ADRA1A: variants seen among roughly 807,000 people sequenced by gnomAD.
ADRA1A encodes alpha-1A adrenergic receptor.
Under a neutral mutation model 29.6 loss-of-function variants are expected in ADRA1A, and 31 were observed. The ratio of observed to expected loss-of-function variants is 1.05; its 90% confidence interval spans 0.79 to 1.41. ADRA1A has a LOEUF of 1.41. ADRA1A is among the 40% of genes most tolerant of loss of function. ADRA1A has a pLI of 0.00. For synonymous variants in ADRA1A, 311 were observed against 254.3 expected (o/e 1.22, Z -2.12); for missense variants, 619 against 601.1 (o/e 1.03, Z -0.31).
At chr8:26,859,912 C>T (rs551505040) in intron 2 of ADRA1A, among the ~76,000 whole-genome samples, 20 of 152,048 alleles carry the variant, frequency 1.3e-4, no homozygotes, top group African/African-American at 4.1e-4. Flanking sequence ...GTATTACAGG[C>T]GTGCACCACC....
rs544986816 is a variant in ADRA1A at position 26,789,308 on chromosome 8, T to C, written c.884-18642A>G. ...AAACAGCATGGTACTGATGTAAAAA[T>C]AGACACATAGACCAATGGAATAGAA... On this transcript the variant is annotated intron_variant, in intron 2 of 2. Coordinates refer to ENST00000380573, the MANE Select transcript of ADRA1A (RefSeq NM_000680.4). Among the ~76,000 whole-genome samples, 127 of 152,080 alleles carry C rather than the reference T, an allele frequency of 8.4e-4. 1 individual carries two copies. The highest frequency in any genetic ancestry group is 1.4e-3 in the Non-Finnish European group (98 of 68,036).
Position 26,775,733 on chromosome 8 carries a change from C to A in ADRA1A, c.884-5067G>T, listed in dbSNP as rs1031305646. ...TTTCTTTCCACCATTTGGTCTGCTG[C>A]AGAATTTCTGCCTCTTTCCTGACCC... On this transcript the variant is annotated intron_variant, in intron 2 of 2. Transcript: ENST00000380573. The surrounding 1 kb of genome is among the most constrained non-coding windows in gnomAD (Gnocchi z 4.1). Among the ~76,000 whole-genome samples, 1 of 152,192 alleles carries A rather than the reference C, an allele frequency of 6.6e-6. No homozygotes were observed. Among genetic ancestry groups the A allele is most frequent in the Non-Finnish European group, 1.5e-5 (1 of 68,038 alleles).
At chr8:26,859,123 A>C (rs1222782715) in intron 2 of ADRA1A, 1 of 1,289,678 alleles carries the variant, frequency 7.8e-7, no homozygotes, top group African/African-American at 1.5e-5. Flanking sequence ...TTCAGTTTTT[A>C]ATCTCTTTCC....
intron 2 of ADRA1A, among the ~76,000 whole-genome samples, chr8:26,836,869 G>T (rs551047089): frequency 4.5e-4 from 68 of 152,300 alleles, no homozygotes; most frequent in African/African-American, 1.5e-3. Flanking sequence ...GCAAGTGAAG[G>T]GGAGTGCTTA....
In ADRA1A at chr8:26,848,529, C is replaced by G. The variant is rs1812382996; in HGVS notation, c.883+15558G>C. Among the ~76,000 whole-genome samples, 1 of 152,184 alleles carries G rather than the reference C, an allele frequency of 6.6e-6. No individual in the cohort carries two copies. The highest frequency in any genetic ancestry group is 6.5e-5 in the Admixed American group (1 of 15,282). On this transcript the variant is annotated intron_variant, in intron 2 of 2. Transcript: ENST00000380573. This position sits in a 1 kb window ranked among gnomAD's most constrained non-coding sequence, Gnocchi z 4.3. ...CTAGCAGGAGAACCCTCACCAAGAG[C>G]CTGACAATGCTAGAACCCTGATCTC...
At position 26,759,527 on chromosome 8, in the gene ADRA1A, C is replaced by T. The variant is rs116163639; in HGVS notation, c.1270-2748G>A. Reference sequence around the variant, plus strand: ...GGGCATCCTTATTTGTAGATTCAAGCTGTCATTCAGCACCACATTCATCAA... The same window carrying T: ...GGGCATCCTTATTTGTAGATTCAAGTTGTCATTCAGCACCACATTCATCAA... On this transcript the variant is annotated intron_variant, in intron 2 of 2. Coordinates refer to the ADRA1A transcript ENST00000380582. 6.4e-3 allele frequency among the ~76,000 whole-genome samples: 973 copies of T among 152,312 alleles called. 17 individuals carry two copies. The highest frequency in any genetic ancestry group is 0.022 in the African/African-American group (931 of 41,570).
chr8:26,782,158 C>G (rs1312133975), intron 2 of ADRA1A, among the ~76,000 whole-genome samples: 1 of 152,210 alleles, frequency 6.6e-6, no homozygotes, highest in Non-Finnish European at 1.5e-5. Flanking sequence ...AGCTCCCTCC[C>G]CTGCCTGGAT....
At chr8:26,801,437 A>G (rs1464048385) in intron 2 of ADRA1A, among the ~76,000 whole-genome samples, 1 of 152,198 alleles carries the variant, frequency 6.6e-6, no homozygotes, top group Non-Finnish European at 1.5e-5. Flanking sequence ...AAATTGCAGG[A>G]TACAAAAATC....
chr8:26,846,876 A>T (rs577640854), intron 2 of ADRA1A, among the ~76,000 whole-genome samples: 1 of 152,374 alleles, frequency 6.6e-6, no homozygotes, highest in African/African-American at 2.4e-5. Context: ...ACACCATGGA[A>T]TACTATGCAG....
intron 2 of ADRA1A, among the ~76,000 whole-genome samples, chr8:26,830,190 C>T (rs1016938265): frequency 6.6e-6 from 1 of 152,188 alleles, no homozygotes; most frequent in African/African-American, 2.4e-5. Flanking sequence ...CAGGCAGGTC[C>T]CCTGCAGAGA....
At chr8:26,749,052 G>A (rs566798002) in intron 2 of ADRA1A, among the ~76,000 whole-genome samples, 1 of 152,180 alleles carries the variant, frequency 6.6e-6, no homozygotes, top group African/African-American at 2.4e-5. Context: ...CACATAAATT[G>A]ACTCTGAAGG....
At chr8:26,849,594 T>A (rs192238456) in intron 2 of ADRA1A, among the ~76,000 whole-genome samples, 15 of 152,192 alleles carry the variant, frequency 9.9e-5, no homozygotes, top group Non-Finnish European at 1.8e-4. Context: ...CTTCTCCCCT[T>A]AATCTGGATC....
downstream of ADRA1A, among the ~76,000 whole-genome samples, chr8:26,765,280 T>C (rs948904437): frequency 1.3e-4 from 20 of 152,154 alleles, no homozygotes; most frequent in Non-Finnish European, 2.4e-4. Flanking sequence ...CTCCTCCACA[T>C]TTGGGTCTGG....
chr8:26,765,345 T>C (rs998179821), downstream of ADRA1A, among the ~76,000 whole-genome samples: 4 of 152,242 alleles, frequency 2.6e-5, no homozygotes, highest in African/African-American at 9.6e-5. Flanking sequence ...TCCACTGAAA[T>C]TCTAACTTGC....
downstream of ADRA1A, among the ~76,000 whole-genome samples, chr8:26,768,528 ATTGT>A (rs1426076796): frequency 1.3e-5 from 2 of 152,306 alleles, no homozygotes; most frequent in Middle Eastern, 3.4e-3. Flanking sequence ...AAGATCCGAG[ATTGT>A]TTGAGCACCG....
At chr8:26,842,866 T>TACAC (rs57750998) in intron 2 of ADRA1A, among the ~76,000 whole-genome samples, 28,320 of 142,384 alleles carry the variant, frequency 0.2, 2,749 homozygotes, top group Non-Finnish European at 0.23. Context: ...TCTCTCTTTC[T>TACAC]ACACACACAC....
Position 26,775,635 on chromosome 8 carries a change from A to G in ADRA1A, c.884-4969T>C, listed in dbSNP as rs1806489472. Among the ~76,000 whole-genome samples the G allele has an allele frequency of 6.6e-6, 1 of 152,196 alleles. No individual in the cohort carries two copies. ...CCCTGCAGCTCAAGCCATCCTTTGCATGTGAATTTGCCTGGTTTAATTCTT... is the reference window on the plus strand; with the variant it reads ...CCCTGCAGCTCAAGCCATCCTTTGCGTGTGAATTTGCCTGGTTTAATTCTT... On this transcript the variant is annotated intron_variant, in intron 2 of 2. Coordinates refer to ENST00000380573, the MANE Select transcript of ADRA1A (RefSeq NM_000680.4). This position sits in a 1 kb window ranked among gnomAD's most constrained non-coding sequence, Gnocchi z 4.1.
In ADRA1A at chr8:26,770,409, A is replaced by T. The variant is rs556667784; in HGVS notation, c.1141T>A (p.Ser381Thr). Residue 381 changes from serine to threonine, a missense_variant, in exon 3 of 3, where the codon TCA (serine) becomes ACA (threonine). Transcript: ENST00000380573. ...HKDMVRIPVG[S>T]RETFYRISKT... ...GAGATCCTGTAGAAGGTCTCTCTTG[A>T]TCCCACGGGGATGCGCACCATGTCC... 9.3e-6 allele frequency: 15 copies of T among 1,614,172 alleles called. No individual in the cohort carries two copies. In the South Asian group the frequency reaches 1.5e-4, roughly 17 times the overall value.
In ADRA1A at chr8:26,796,554, A is replaced by G. The variant is rs1311201039; in HGVS notation, c.884-25888T>C. On this transcript the variant is annotated intron_variant, in intron 2 of 2. Transcript: ENST00000380573. The surrounding 1 kb of genome is among the most constrained non-coding windows in gnomAD (Gnocchi z 5.0). The stretch of plus-strand genomic sequence containing the variant: ...AATCCTATGGTAATTCACAGCCTAC[A>G]GTACCGTGAAGACAAGGAGGAAAGA... Among the ~76,000 whole-genome samples the G allele has an allele frequency of 6.6e-6, 1 of 152,162 alleles. No individual in the cohort carries two copies. The highest frequency in any genetic ancestry group is 6.6e-5 in the Admixed American group (1 of 15,258).
Sources: allele counts gnomAD v4.1 joint callset (sites outside exome capture counted in the v4.1 genomes callset), GRCh38; gene constraint gnomAD v4.1.1; non-coding constraint Gnocchi (gnomAD v3.1); transcripts MANE v1.5; gene names NCBI Gene and HGNC (gene_info 2026-07-23, HGNC 2026-07-21).